The following MYNN variants were observed in gnomAD, a reference collection of about 807,000 sequenced individuals.
MYNN encodes the protein zinc finger and BTB domain-containing protein 31.
MYNN carries 22 observed loss-of-function variants against 57.2 expected under a neutral mutation model. The observed-to-expected ratio is 0.38, with a 90% confidence interval of 0.27 to 0.55. The LOEUF (loss-of-function observed/expected upper bound fraction) is 0.55. Ranked by LOEUF, MYNN falls within the 20% of genes least tolerant of loss-of-function variation. MYNN has a pLI of 0.71. For synonymous variants in MYNN, 241 were observed against 257.1 expected (o/e 0.94, Z 0.60); for missense variants, 566 against 723.1 (o/e 0.78, Z 2.49).
rs1553918590 is a variant in MYNN, at chr3:169,785,071, G to GGC, written c.1570+364_1570+365insCG. ...TTACTATGGTTATTATGAAAAAAAA[G>GGC]GGGGGGGGGGTGGTGTTATCATGAA... On this transcript the variant is annotated intron_variant, in intron 7 of 7. Coordinates refer to ENST00000349841, the MANE Select transcript of MYNN (RefSeq NM_018657.5). 2.0e-3 allele frequency among the ~76,000 whole-genome samples: 136 copies of GGC among 68,388 alleles called. 2 individuals are homozygous for GGC. The highest frequency in any genetic ancestry group is 3.3e-3 in the Admixed American group (20 of 5,986). 44.9% of individuals were successfully genotyped at this position (68,388 alleles called of 152,430 possible).
At chr3:169,778,421 A>G (rs1778410587) in intron 2 of MYNN, 1 of 175,962 alleles carries the variant, frequency 5.7e-6, no homozygotes, top group African/African-American at 2.4e-5. Context: ...TTGCTATCTG[A>G]AGAAGCCTCA....
chr3:169,778,747 T>G (rs776529184), intron 2 of MYNN, 21 bp from the exon 3 acceptor site: 3 of 1,561,942 alleles, frequency 1.9e-6, no homozygotes, highest in Non-Finnish European at 1.7e-6. Context: ...AATATTGTCA[T>G]GTAGCCTTGT....
rs201851716 is a variant in MYNN at position 169,786,673 on chromosome 3, T to C, written c.1828T>C (p.Tyr610His). 212 of 1,611,430 alleles carry C rather than the reference T, an allele frequency of 1.3e-4. No individual in the cohort carries two copies. Among genetic ancestry groups the C allele is most frequent in the Middle Eastern group, 1.8e-4 (1 of 5,540 alleles). Residue 610 changes from tyrosine (Y) to histidine (H), a missense_variant, in exon 8 of 8, where the codon TAC becomes CAC. By Grantham distance (83) the Tyr-to-His change is moderately conservative. Around this residue, in one of 4 missense-constraint regions of MYNN, gnomAD observed 156 missense variants for 163.9 expected, o/e 0.95. Coordinates refer to ENST00000349841, the MANE Select transcript of MYNN (RefSeq NM_018657.5). ...EPQLIFLQQL[Y>H] ...ACAGTTGATTTTTTTACAACAATTA[T>C]ACTGACTTTGTAAGGAATATGGAAT...
At position 169,787,171 on chromosome 3, in the gene MYNN, T is replaced by G. The variant is rs1395400921; in HGVS notation, c.*493T>G. On this transcript the variant is annotated 3_prime_UTR_variant, in exon 8 of 8. Transcript: ENST00000349841. ...ATTTCATATTTTCGCTCGTAAAAAT[T>G]TAGGCGCTGAATAAGAATTGTGCTA... 1 of 152,844 alleles carries G rather than the reference T, an allele frequency of 6.5e-6. No homozygotes were observed. Among genetic ancestry groups the G allele is most frequent in the African/African-American group, 2.4e-5 (1 of 41,438 alleles). 9.5% of individuals were successfully genotyped at this position (152,844 alleles called of 1,614,324 possible). A position where few individuals can be genotyped will look rare whatever the true frequency, so the allele number is the denominator to read the frequency against.
chr3:169,778,672 A>T (rs1778420405), intron 2 of MYNN, 96 bp from the exon 3 acceptor site: 1 of 889,532 alleles, frequency 1.1e-6, no homozygotes, highest in Non-Finnish European at 1.7e-6. Flanking sequence ...ATTCTGCTTC[A>T]TTAGGTCTTT....
At position 169,786,701 on chromosome 3, in the gene MYNN, C is replaced by T. The variant is rs575813548; in HGVS notation, c.*23C>T. The T allele has an allele frequency of 1.1e-5, 17 of 1,600,588 alleles. No homozygotes were observed. The East Asian group carries it at 3.4e-4, about 32-fold the overall frequency. On this transcript the variant is annotated 3_prime_UTR_variant, in exon 8 of 8. Coordinates refer to ENST00000349841, the MANE Select transcript of MYNN (RefSeq NM_018657.5). ...TGACTTTGTAAGGAATATGGAATTG[C>T]TAAGATATCATTGGTAGCAAACATC...
Position 169,777,330 on chromosome 3 carries a change from A to G in MYNN, c.267-1438A>G, listed in dbSNP as rs557478326. On this transcript the variant is annotated intron_variant, in intron 2 of 7. Coordinates refer to ENST00000349841, the MANE Select transcript of MYNN (RefSeq NM_018657.5). Reference sequence around the variant, plus strand: ...ATTTCAAATTTTAGTCCTTTAAAATAGTATCACCAGCACTATATTTACATT... The same window carrying G: ...ATTTCAAATTTTAGTCCTTTAAAATGGTATCACCAGCACTATATTTACATT... 2.0e-5 allele frequency: 3 copies of G among 152,346 alleles called. No individual in the cohort carries two copies. In the South Asian group the frequency reaches 6.2e-4, roughly 32 times the overall value. 9.4% of individuals were successfully genotyped at this position (152,346 alleles called of 1,614,324 possible).
chr3:169,777,808 A>G (rs1778392396), intron 2 of MYNN: 1 of 152,060 alleles, frequency 6.6e-6, no homozygotes, highest in African/African-American at 2.4e-5. Context: ...CATCACGAAC[A>G]CTCCAGCTAA....
chr3:169,780,430 T>C (rs1778477653), intron 3 of MYNN, 160 bp from the exon 4 acceptor site: 1 of 503,164 alleles, frequency 2.0e-6, no homozygotes, highest in Non-Finnish European at 3.4e-6. Flanking sequence ...CTTTTGATTC[T>C]ACTGGTGTTT....
intron 6 of MYNN, 47 bp downstream of exon 6, chr3:169,783,607 C>A (rs757289313): frequency 3.5e-5 from 47 of 1,332,746 alleles, no homozygotes; most frequent in Non-Finnish European, 4.8e-5. Context: ...CTCTTAATTT[C>A]TTTTTATGTA....
rs753645689 is a variant in MYNN, at chr3:169,786,546, A to G, written c.1701A>G (p.Pro567=). 1.9e-6 allele frequency: 3 copies of G among 1,613,732 alleles called. No homozygotes were observed. Among genetic ancestry groups the G allele is most frequent in the East Asian group, 2.2e-5 (1 of 44,874 alleles). The change falls in exon 8 of 8, where the codon CCA becomes CCG. Residue 567 remains proline, a synonymous_variant. Coordinates refer to ENST00000349841, the MANE Select transcript of MYNN (RefSeq NM_018657.5). ...ATATGACTTTACCATTAGCTCTTCCACTTGGGACTGAGGACCATCACATGC... is the reference window on the plus strand; with the variant it reads ...ATATGACTTTACCATTAGCTCTTCCGCTTGGGACTGAGGACCATCACATGC... ...PSDMTLPLAL[P]LGTEDHHMLL... is the part of the protein sequence containing the mutation.
intron 7 of MYNN, among the ~76,000 whole-genome samples, chr3:169,784,927 A>C (rs1778630090): frequency 6.6e-6 from 1 of 151,500 alleles, no homozygotes; most frequent in African/African-American, 2.4e-5. Context: ...AAAAAAAAAA[A>C]AAACTTGAAA....
In MYNN at chr3:169,786,751, T is replaced by G. The variant is rs1311909214; in HGVS notation, c.*73T>G. 4.2e-6 allele frequency: 6 copies of G among 1,421,168 alleles called. No homozygotes were observed. Among genetic ancestry groups the G allele is most frequent in the African/African-American group, 1.4e-5 (1 of 70,040 alleles). 88.0% of individuals were successfully genotyped at this position (1,421,168 alleles called of 1,614,324 possible). ...CTCTGGTAAGGTGCATATATTCATA[T>G]TAAATTCCCATTCATTTGAGTTGTG... On this transcript the variant is annotated 3_prime_UTR_variant, in exon 8 of 8. Coordinates refer to ENST00000349841, the MANE Select transcript of MYNN (RefSeq NM_018657.5).
chr3:169,774,518 A>G lies in MYNN; in HGVS notation c.223A>G (p.Lys75Glu). The change falls in exon 2 of 8, where the codon AAA becomes GAA. Residue 75 changes from lysine (K) to glutamate (E), a missense_variant. Lys to Glu is a moderately conservative substitution (Grantham distance 56). Coordinates refer to ENST00000349841, the MANE Select transcript of MYNN (RefSeq NM_018657.5). ...TCAGGTGAAGGCTGATGGATTTCAG[A>G]AACTGTTGGAGTTTATATACACAGG... ...QSQVKADGFQ[K>E]LLEFIYTGTL... 6.2e-7 allele frequency: 1 copy of G among 1,614,064 alleles called. No homozygotes were observed. Among genetic ancestry groups the G allele is most frequent in the Non-Finnish European group, 8.5e-7 (1 of 1,179,986 alleles).
rs751070468 is a variant in MYNN, at chr3:169,778,813, G to A, written c.312G>A (p.Val104=). ...ATCAGGCTGCTGACTATCTCAAAGT[G>A]GAAGAGGTGGTCACTAAATGCAAAA... ...EIHQAADYLK[V]EEVVTKCKIK... Residue 104 remains valine, a synonymous_variant, in exon 3 of 8, where the codon GTG becomes GTA. Coordinates refer to ENST00000349841, the MANE Select transcript of MYNN (RefSeq NM_018657.5). 1.9e-6 allele frequency: 3 copies of A among 1,610,936 alleles called. No individual in the cohort carries two copies. The highest frequency in any genetic ancestry group is 2.5e-6 in the Non-Finnish European group (3 of 1,178,920).
In MYNN at chr3:169,782,621, C is replaced by T; in HGVS notation, c.1377C>T (p.Ile459=). The change falls in exon 5 of 8, where the codon ATC becomes ATT. Residue 459 remains isoleucine, a synonymous_variant. Transcript: ENST00000349841. This position sits in a 1 kb window ranked among gnomAD's most constrained non-coding sequence, Gnocchi z 4.8. ...GKAFAVSSSL[I]THSRKHTGEK... is the part of the protein sequence containing the mutation. ...CATTTGCTGTCTCTAGTTCTCTTATCACTCATTCTCGAAAACATACAGGTA... is the reference window on the plus strand; with the variant it reads ...CATTTGCTGTCTCTAGTTCTCTTATTACTCATTCTCGAAAACATACAGGTA... 1.2e-6 allele frequency: 2 copies of T among 1,613,566 alleles called. No individual in the cohort carries two copies. The highest frequency in any genetic ancestry group is 1.7e-6 in the Non-Finnish European group (2 of 1,179,734).
chr3:169,774,166 G>A (rs1216205202), intron 1 of MYNN, 99 bp from the exon 2 acceptor site: 3 of 859,040 alleles, frequency 3.5e-6, no homozygotes, highest in African/African-American at 3.4e-5. Flanking sequence ...GATTTTCAAG[G>A]GGGCTAAAAT....
In MYNN at chr3:169,782,778, A is replaced by ATG. The variant is rs1553918319; in HGVS notation, c.1399+136_1399+137insGT. 29 of 641,528 alleles carry ATG rather than the reference A, an allele frequency of 4.5e-5. No homozygotes were observed. The highest frequency in any genetic ancestry group is 6.8e-5 in the Non-Finnish European group (27 of 395,116). 39.7% of individuals were successfully genotyped at this position (641,528 alleles called of 1,614,324 possible). ...TATATTTCTATAAGCTATGTTTATGATTTTTGCACATATTTGTTAAATATA... is the reference window on the plus strand; with the variant it reads ...TATATTTCTATAAGCTATGTTTATGATGTTTTTGCACATATTTGTTAAATATA... On this transcript the variant is annotated intron_variant, in intron 5 of 7. Coordinates refer to ENST00000349841, the MANE Select transcript of MYNN (RefSeq NM_018657.5). This position sits in a 1 kb window ranked among gnomAD's most constrained non-coding sequence, Gnocchi z 4.8.
intron 6 of MYNN, 59 bp downstream of exon 6, chr3:169,783,619 A>G (rs1244012638): frequency 8.1e-7 from 1 of 1,229,586 alleles, no homozygotes; most frequent in African/African-American, 1.5e-5. Flanking sequence ...TTTTATGTAA[A>G]CCTTGACTTT....
Sources: gnomAD v4.1 joint callset for allele counts (sites outside exome capture counted in the v4.1 genomes callset) on GRCh38, gnomAD v4.1.1 for gene constraint, gnomAD v4.1.1 regional missense constraint, Gnocchi (gnomAD v3.1) non-coding constraint, MANE v1.5 for transcripts, NCBI Gene and HGNC (gene_info 2026-07-23, HGNC 2026-07-21) for gene names.